SPDYA: variants seen among roughly 807,000 people sequenced by gnomAD.
The protein encoded by SPDYA is speedy/RINGO cell cycle regulator family member A.
A neutral mutation model predicts 36.7 loss-of-function variants in SPDYA; 11 were observed. That is an observed-to-expected ratio of 0.30 (90% confidence interval 0.19 to 0.50). SPDYA has a LOEUF of 0.50. SPDYA is among the 20% of genes least tolerant of loss of function. The pLI, the probability that SPDYA is intolerant of heterozygous loss-of-function variation, is 0.98. For synonymous variants in SPDYA, 115 were observed against 118.7 expected (o/e 0.97, Z 0.20); for missense variants, 287 against 370.9 (o/e 0.77, Z 1.86).
rs550095747 is a variant in SPDYA, at chr2:28,831,112, T to G, written c.552+1793T>G. Among the ~76,000 whole-genome samples, 445 of 152,250 alleles carry G rather than the reference T, an allele frequency of 2.9e-3. 2 individuals carry two copies. Among genetic ancestry groups the G allele is most frequent in the African/African-American group, 9.7e-3 (404 of 41,550 alleles). The stretch of plus-strand genomic sequence containing the variant: ...AGCTCACACCTGTAATCCCAGCACT[T>G]TTGGAGGCTAAGGTGGCCTGGATCA... On this transcript the variant is annotated intron_variant, in intron 6 of 7. Transcript: ENST00000334056.
At chr2:28,826,141 C>T (rs140364094) in intron 5 of SPDYA, among the ~76,000 whole-genome samples, 1 of 150,292 alleles carries the variant, frequency 6.7e-6, no homozygotes, top group African/African-American at 2.4e-5. Flanking sequence ...TGATGTTTTT[C>T]GTTTTTGTTT....
intron 6 of SPDYA, among the ~76,000 whole-genome samples, chr2:28,834,635 G>T (rs1668549857): frequency 6.6e-6 from 1 of 152,200 alleles, no homozygotes; most frequent in Admixed American, 6.5e-5. Context: ...ACGACATATT[G>T]TATGATTCCA....
chr2:28,845,448 A>G (rs1428499634), intron 7 of SPDYA, among the ~76,000 whole-genome samples: 1 of 152,136 alleles, frequency 6.6e-6, no homozygotes, highest in East Asian at 1.9e-4. Flanking sequence ...TTATTGGGAC[A>G]TAACTCCATT....
chr2:28,842,467 C>A (rs1203999821), intron 7 of SPDYA, among the ~76,000 whole-genome samples: 2 of 152,080 alleles, frequency 1.3e-5, no homozygotes, highest in Non-Finnish European at 2.9e-5. Context: ...AGGGGCTGTG[C>A]CAGTCAGTAT....
chr2:28,828,278 C>T (rs1446927602), intron 5 of SPDYA, among the ~76,000 whole-genome samples: 2 of 152,120 alleles, frequency 1.3e-5, no homozygotes, highest in East Asian at 1.9e-4. Context: ...TGAGCCACCA[C>T]GCCCGGCCCT....
Position 28,850,529 on chromosome 2 carries a change from T to A in SPDYA, c.*588T>A. 1.5e-6 allele frequency: 1 copy of A among 649,060 alleles called. No homozygotes were observed. Among genetic ancestry groups the A allele is most frequent in the Non-Finnish European group, 2.6e-6 (1 of 380,904 alleles). 40.2% of individuals were successfully genotyped at this position (649,060 alleles called of 1,614,324 possible). On this transcript the variant is annotated 3_prime_UTR_variant, in exon 8 of 8. Transcript: ENST00000334056. Reference sequence around the variant, plus strand: ...TTTTCTTTATTTATTTCCTTGCATATGTTTTAGAGCTACTCTGCCAGTTAT... The same window carrying A: ...TTTTCTTTATTTATTTCCTTGCATAAGTTTTAGAGCTACTCTGCCAGTTAT...
chr2:28,829,316 G>A lies in SPDYA; in HGVS notation c.549G>A (p.Glu183=), dbSNP rs1391550716. The part of the protein sequence containing the change: ...YRAIVSRRCC[E]EVMAIAPTHY... ...CTATTGTAAGCAGGCGATGTTGTGA[G>A]GAGGTAAGAATTTTAAAATGCTTTA... Residue 183 remains glutamate, a synonymous_variant, in exon 6 of 8, where the codon GAG becomes GAA. Transcript: ENST00000334056. 6.2e-7 allele frequency: 1 copy of A among 1,602,774 alleles called. No homozygotes were observed.
intron 5 of SPDYA, among the ~76,000 whole-genome samples, chr2:28,825,459 A>T (rs551845914): frequency 5.3e-5 from 8 of 152,264 alleles, no homozygotes; most frequent in African/African-American, 1.7e-4. Context: ...CCATTTTAAG[A>T]CTAATCATAC....
chr2:28,839,125 AAGT>A (rs1212608062), intron 6 of SPDYA, among the ~76,000 whole-genome samples: 4 of 152,232 alleles, frequency 2.6e-5, no homozygotes, highest in Admixed American at 6.5e-5. Flanking sequence ...TAATCCTGTG[AAGT>A]AGATGATATG....
At chr2:28,838,227 G>C (rs986919347) in intron 6 of SPDYA, among the ~76,000 whole-genome samples, 1 of 147,872 alleles carries the variant, frequency 6.8e-6, no homozygotes, top group African/African-American at 2.5e-5. Flanking sequence ...TGTCACCCAG[G>C]CTGGAGTGTA....
chr2:28,845,249 C>CTTTTTTTTT (rs372229883), intron 7 of SPDYA, among the ~76,000 whole-genome samples: 1 of 132,574 alleles, frequency 7.5e-6, no homozygotes. Context: ...CCATGCCCAG[C>CTTTTTTTTT]TTTTTTTTTT....
intron 4 of SPDYA, 66 bp downstream of exon 4, chr2:28,819,172 T>G (rs1297208634): frequency 8.4e-7 from 1 of 1,192,778 alleles, no homozygotes; most frequent in African/African-American, 1.5e-5. Context: ...AGAGCTTTAA[T>G]GAGACCTTAT....
At chr2:28,816,536 G>A (rs1318590914) in intron 3 of SPDYA, among the ~76,000 whole-genome samples, 2 of 151,982 alleles carry the variant, frequency 1.3e-5, no homozygotes, top group African/African-American at 4.8e-5. Context: ...ATAGCCCATG[G>A]CATGAGTTTT....
At position 28,811,803 on chromosome 2, in the gene SPDYA, A is replaced by G. The variant is rs572912746; in HGVS notation, c.-93+856A>G. ...GTCTCTACAAAAAATAACTTAAAAA[A>G]AAAGTATCCTGGCATGGTGGCGGGC... On this transcript the variant is annotated intron_variant, in intron 1 of 7. Transcript: ENST00000334056. The surrounding 1 kb of genome is among the most constrained non-coding windows in gnomAD (Gnocchi z 4.2). Among the ~76,000 whole-genome samples, 126 of 152,082 alleles carry G rather than the reference A, an allele frequency of 8.3e-4. No homozygotes were observed. The highest frequency in any genetic ancestry group is 3.4e-3 in the Middle Eastern group (1 of 294).
chr2:28,818,123 G>A lies in SPDYA; in HGVS notation c.236-925G>A, dbSNP rs150702893. On this transcript the variant is annotated intron_variant, in intron 3 of 7. Coordinates refer to ENST00000334056, the MANE Select transcript of SPDYA (RefSeq NM_182756.4). ...GAGGCTACAGTTGAGCCAAGATCAC[G>A]CCACTGCACTCCAGCCTGGGTGACA... Among the ~76,000 whole-genome samples the A allele has an allele frequency of 1.2e-3, 182 of 151,750 alleles. 2 individuals are homozygous for A. Among genetic ancestry groups the A allele is most frequent in the African/African-American group, 4.3e-3 (176 of 41,364 alleles).
At chr2:28,817,934 G>A (rs148404261) in intron 3 of SPDYA, among the ~76,000 whole-genome samples, 66 of 149,680 alleles carry the variant, frequency 4.4e-4, no homozygotes, top group African/African-American at 1.6e-3. Context: ...GCCAAGGCAA[G>A]TGGATCGCTT....
chr2:28,840,890 G>A (rs1391712359), intron 7 of SPDYA: 8 of 509,900 alleles, frequency 1.6e-5, no homozygotes, highest in African/African-American at 1.1e-4. Context: ...CATTTATCAC[G>A]AAGTATTTTC....
At chr2:28,847,057 T>C (rs1309673226) in intron 7 of SPDYA, among the ~76,000 whole-genome samples, 4 of 152,180 alleles carry the variant, frequency 2.6e-5, no homozygotes, top group Non-Finnish European at 5.9e-5. Flanking sequence ...AAAAATGGAC[T>C]TCAGGCCACG....
rs1558336525 is a variant in SPDYA at position 28,850,451 on chromosome 2, CTAT to C, written c.*512_*514del. 3.1e-6 allele frequency: 4 copies of C among 1,288,858 alleles called. No homozygotes were observed. The highest frequency in any genetic ancestry group is 4.3e-6 in the Non-Finnish European group (4 of 921,912). The allele number at this position is 1,288,858 out of a possible 1,614,324, so 79.8% of individuals were successfully genotyped here. Reference sequence around the variant, plus strand: ...TACTATAAGCTACATAAAATATTTTCTATTTTTTTCACAAAACTGTTAAAATAT... The same window carrying C: ...TACTATAAGCTACATAAAATATTTTCTTTTTTCACAAAACTGTTAAAATAT... On this transcript the variant is annotated 3_prime_UTR_variant, in exon 8 of 8. Coordinates refer to ENST00000334056, the MANE Select transcript of SPDYA (RefSeq NM_182756.4).
Sources: gnomAD v4.1 joint callset for allele counts (sites outside exome capture counted in the v4.1 genomes callset) on GRCh38, gnomAD v4.1.1 for gene constraint, Gnocchi (gnomAD v3.1) non-coding constraint, MANE v1.5 for transcripts, NCBI Gene and HGNC (gene_info 2026-07-23, HGNC 2026-07-21) for gene names.